The following FABP3 variants were observed in gnomAD, a reference collection of about 807,000 sequenced individuals.
The protein encoded by FABP3 is fatty acid binding protein 3, also known as fatty acid-binding protein, heart.
Under a neutral mutation model 13.4 loss-of-function variants are expected in FABP3, and 8 were observed. The observed-to-expected ratio is 0.60, with a 90% CI of 0.35 to 1.07. The LOEUF (loss-of-function observed/expected upper bound fraction) is 1.07. Among genes scored for constraint, FABP3 ranks in the 50% least tolerant of loss-of-function variants. The pLI, the probability that FABP3 is intolerant of heterozygous loss-of-function variation, is 0.02. For synonymous variants in FABP3, 64 were observed against 60.0 expected, an observed-to-expected ratio of 1.07 and a Z score of -0.31; for missense variants, 135 against 164.7, an observed-to-expected ratio of 0.82 and a Z score of 0.99.
At chr1:31,359,707 T>C in the FABP3 span, among the ~76,000 whole-genome samples, 1 of 152,340 alleles carries the variant, frequency 6.6e-6, no homozygotes, top group Middle Eastern at 3.4e-3. Context: ...TATGTGCTTT[T>C]CCTAGAGAGC....
At chr1:31,364,199 TAA>T (rs746356859), downstream of FABP3, 1 of 1,611,242 alleles carries the variant, frequency 6.2e-7, no homozygotes, top group African/African-American at 1.3e-5. Flanking sequence ...AGTGAGAGTA[TAA>T]AGAGTGTAGG....
At chr1:31,366,240 T>C (rs1283394352) in intron 3 of FABP3, among the ~76,000 whole-genome samples, 3 of 152,168 alleles carry the variant, frequency 2.0e-5, no homozygotes, top group East Asian at 3.8e-4. Flanking sequence ...TTTCCTTCCC[T>C]TATACCATTT....
intron 1 of FABP3, 64 bp downstream of exon 1, chr1:31,372,878 G>C: frequency 1.4e-6 from 2 of 1,476,198 alleles, no homozygotes; most frequent in Non-Finnish European, 9.4e-7. Flanking sequence ...GGAGTGCTGC[G>C]TGGGGCTAGG....
chr1:31,365,717 A>C lies in FABP3; in HGVS notation c.*169T>G, dbSNP rs1569970242. 5 of 610,270 alleles carry C rather than the reference A, an allele frequency of 8.2e-6. No homozygotes were observed. Among genetic ancestry groups the C allele is most frequent in the Admixed American group, 2.9e-5 (1 of 33,928 alleles). The allele number at this position is 610,270 out of a possible 1,614,324, so 37.8% of individuals were successfully genotyped here. A position where few individuals can be genotyped will look rare whatever the true frequency, so the allele number is the denominator to read the frequency against. ...TATGAGTGCAGTTAAAAAAAAAAAA[A>C]AAAAACCACATACACCATGGGAACT... is the stretch of plus-strand genomic sequence containing the variant. On this transcript the variant is annotated 3_prime_UTR_variant, in exon 4 of 4. Transcript: ENST00000373713.
chr1:31,360,868 T>A (rs1639860201), downstream of FABP3, among the ~76,000 whole-genome samples: 1 of 152,220 alleles, frequency 6.6e-6, no homozygotes, highest in Non-Finnish European at 1.5e-5. Context: ...AGTTTGACTC[T>A]ACAGACTATT....
At chr1:31,367,328 C>A in intron 3 of FABP3, 65 bp downstream of exon 3, 1 of 1,369,990 alleles carries the variant, frequency 7.3e-7, no homozygotes, top group Non-Finnish European at 1.0e-6. Flanking sequence ...CTTTTTAGAA[C>A]AGGCTTGGCT....
In FABP3 at chr1:31,369,444, T is replaced by C. The variant is rs766625223; in HGVS notation, c.187A>G (p.Ile63Val). The C allele has an allele frequency of 2.4e-5, 39 of 1,614,064 alleles. No homozygotes were observed. The South Asian group carries it at 4.1e-4, about 17-fold the overall frequency. Residue 63 changes from isoleucine to valine, a missense_variant, in exon 2 of 4, where the codon ATC becomes GTC. Physicochemically the swap from Ile to Val is conservative, Grantham distance 29. Coordinates refer to ENST00000373713, the MANE Select transcript of FABP3 (RefSeq NM_004102.5). The stretch of plus-strand genomic sequence containing the variant: ...AACTCCACCCCCAACTTAAAGCTGA[T>C]CTCTGTGTTCTTGAAGGTGCTGTGT... ...KTHSTFKNTE[I>V]SFKLGVEFDE... is the part of the protein sequence containing the mutation.
chr1:31,364,150 A>G, downstream of FABP3: 1 of 1,613,930 alleles, frequency 6.2e-7, no homozygotes, highest in Non-Finnish European at 8.5e-7. Flanking sequence ...GCAGCAAAGA[A>G]GAAGAAAAAG....
Position 31,365,879 on chromosome 1 carries a change from A to C in FABP3, c.*7T>G. On this transcript the variant is annotated 3_prime_UTR_variant, in exon 4 of 4. Coordinates refer to ENST00000373713, the MANE Select transcript of FABP3 (RefSeq NM_004102.5). ...GCAGAGTAGTAGTCAGCAACAGTGC[A>C]GTCAGGTCATGCCTCTTTCTCATAA... is the stretch of plus-strand genomic sequence containing the variant. The C allele has an allele frequency of 6.2e-7, 1 of 1,613,898 alleles. No individual in the cohort carries two copies. The highest frequency in any genetic ancestry group is 1.1e-5 in the South Asian group (1 of 91,068).
chr1:31,364,311 A>G (rs955815242), downstream of FABP3: 14 of 1,435,664 alleles, frequency 9.8e-6, no homozygotes, highest in African/African-American at 8.6e-5. Flanking sequence ...CTTCGCTCCC[A>G]TGGGAGATGG....
downstream of FABP3, chr1:31,364,160 G>C: frequency 1.9e-6 from 3 of 1,613,674 alleles, no homozygotes; most frequent in Non-Finnish European, 2.5e-6. Flanking sequence ...AGAAGAAAAA[G>C]AAGAAGAAGC....
At chr1:31,369,262 T>G (rs1640162790) in intron 2 of FABP3, 123 bp downstream of exon 2, 1 of 1,014,188 alleles carries the variant, frequency 9.9e-7, no homozygotes, top group African/African-American at 1.6e-5. Context: ...GAATCTTGTT[T>G]CATTTAAATT....
chr1:31,363,803 C>T (rs1234552186), downstream of FABP3, among the ~76,000 whole-genome samples: 1 of 152,022 alleles, frequency 6.6e-6, no homozygotes, highest in African/African-American at 2.4e-5. Flanking sequence ...TTAAGTGGTC[C>T]CCTATTGATT....
intron 3 of FABP3, 110 bp from the exon 4 acceptor site, chr1:31,366,049 G>T: frequency 1.1e-6 from 1 of 873,044 alleles, no homozygotes; most frequent in Non-Finnish European, 1.8e-6. Flanking sequence ...CTATGTGCCG[G>T]CTATATGTAT....
At chr1:31,359,780 C>T in the FABP3 span, among the ~76,000 whole-genome samples, 4 of 152,122 alleles carry the variant, frequency 2.6e-5, no homozygotes, top group Non-Finnish European at 4.4e-5. Flanking sequence ...GCCATGGGCT[C>T]ACACTCCTAT....
At chr1:31,367,553 T>C in intron 2 of FABP3, 59 bp from the exon 3 acceptor site, 1 of 1,447,444 alleles carries the variant, frequency 6.9e-7, no homozygotes. Context: ...AGGGGCAGGG[T>C]GGGGTCTGGA....
intron 1 of FABP3, among the ~76,000 whole-genome samples, chr1:31,370,952 G>C (rs140722295): frequency 6.6e-6 from 1 of 152,220 alleles, no homozygotes; most frequent in Non-Finnish European, 1.5e-5. Flanking sequence ...GCCTCGAAGC[G>C]TAGATTATCC....
At chr1:31,369,766 A>G (rs1569978324) in intron 1 of FABP3, among the ~76,000 whole-genome samples, 1 of 152,206 alleles carries the variant, frequency 6.6e-6, no homozygotes, top group Non-Finnish European at 1.5e-5. Context: ...GAGATACTTA[A>G]GGAACAGCAG....
At position 31,365,953 on chromosome 1, in the gene FABP3, CAG is replaced by C. The variant is rs762695038; in HGVS notation, c.349-16_349-15del. ...GTGGGTGAGTGTCTGGAAGGAAAGA[CAG>C]AGTGAGATGGGGGGTGGAGCCAGGA... On this transcript the variant is annotated splice_polypyrimidine_tract_variant and intron_variant, in intron 3 of 3. Transcript: ENST00000373713. 8.1e-6 allele frequency: 13 copies of C among 1,613,056 alleles called. No individual in the cohort carries two copies. The African/African-American group carries it at 9.4e-5, about 12-fold the overall frequency.
Sources: allele counts gnomAD v4.1 joint callset (sites outside exome capture counted in the v4.1 genomes callset), GRCh38; gene constraint gnomAD v4.1.1; transcripts MANE v1.5; gene names NCBI Gene and HGNC (gene_info 2026-07-23, HGNC 2026-07-21).